RCAN1: variants seen among roughly 807,000 people sequenced by gnomAD.
The protein encoded by RCAN1 is calcipressin-1.
Under a neutral mutation model 22.9 loss-of-function variants are expected in RCAN1, and 11 were observed. That is an observed-to-expected ratio of 0.48 (90% CI 0.30 to 0.79). The LOEUF (loss-of-function observed/expected upper bound fraction) is 0.79. RCAN1 is among the 30% of genes least tolerant of loss of function. The pLI is 0.06. For synonymous variants in RCAN1, 136 were observed against 142.3 expected (o/e 0.96, Z 0.32); for missense variants, 291 against 337.8 (o/e 0.86, Z 1.09).
At chr21:34,584,222 C>T (rs550095369) in intron 1 of RCAN1, among the ~76,000 whole-genome samples, 7 of 152,250 alleles carry the variant, frequency 4.6e-5, no homozygotes, top group Middle Eastern at 3.4e-3. Context: ...CCTCCCTGGC[C>T]CTCAAAAGAT....
chr21:34,530,460 G>T (rs1985316653), intron 1 of RCAN1, among the ~76,000 whole-genome samples: 1 of 152,122 alleles, frequency 6.6e-6, no homozygotes, highest in African/African-American at 2.4e-5. Flanking sequence ...TGCCCCCTGT[G>T]AAGCTGTCTG....
At chr21:34,525,092 G>A in intron 1 of RCAN1, 1 of 1,550,634 alleles carries the variant, frequency 6.4e-7, no homozygotes, top group Non-Finnish European at 8.7e-7. Context: ...GAGGACCTTG[G>A]AGAACCTATG....
At chr21:34,585,597 G>A (rs1287585529) in intron 1 of RCAN1, among the ~76,000 whole-genome samples, 1 of 151,960 alleles carries the variant, frequency 6.6e-6, no homozygotes, top group South Asian at 2.1e-4. Flanking sequence ...CAAAAAATTA[G>A]CCGGGCATGG....
chr21:34,539,778 T>C (rs988611278), intron 1 of RCAN1, among the ~76,000 whole-genome samples: 3 of 152,226 alleles, frequency 2.0e-5, no homozygotes, highest in Non-Finnish European at 2.9e-5. Context: ...CCCATTAACA[T>C]TTTGGAGTGC....
chr21:34,608,407 G>T (rs1568935006), intron 1 of RCAN1, among the ~76,000 whole-genome samples: 1 of 152,170 alleles, frequency 6.6e-6, no homozygotes, highest in Non-Finnish European at 1.5e-5. Flanking sequence ...AAAGTGATGG[G>T]ATATCACTGA....
At chr21:34,612,374 G>T (rs969505384) in intron 1 of RCAN1, among the ~76,000 whole-genome samples, 2 of 152,192 alleles carry the variant, frequency 1.3e-5, no homozygotes, top group African/African-American at 4.8e-5. Context: ...TGGAGCTTCT[G>T]CACCTGCTAG....
At chr21:34,586,767 A>C (rs1360746829) in intron 1 of RCAN1, among the ~76,000 whole-genome samples, 1 of 152,198 alleles carries the variant, frequency 6.6e-6, no homozygotes, top group Non-Finnish European at 1.5e-5. Context: ...AGCCTGGCCA[A>C]CATGGCGAAA....
At chr21:34,530,836 G>A (rs1039852152) in intron 1 of RCAN1, among the ~76,000 whole-genome samples, 1 of 151,918 alleles carries the variant, frequency 6.6e-6, no homozygotes, top group Non-Finnish European at 1.5e-5. Context: ...TGTTGGTCAG[G>A]CTGGTCTCAA....
At chr21:34,546,060 C>A (rs1035798504) in intron 1 of RCAN1, among the ~76,000 whole-genome samples, 2 of 152,174 alleles carry the variant, frequency 1.3e-5, no homozygotes, top group Admixed American at 1.3e-4. Flanking sequence ...TGAAGGACAT[C>A]AGTCAATCTT....
intron 1 of RCAN1, among the ~76,000 whole-genome samples, chr21:34,569,577 C>A (rs1437979008): frequency 6.6e-6 from 1 of 152,052 alleles, no homozygotes; most frequent in South Asian, 2.1e-4. Flanking sequence ...GGAGTCACTG[C>A]CAGAGGCTAA....
chr21:34,603,620 GAC>G (rs1988431843), intron 1 of RCAN1, among the ~76,000 whole-genome samples: 1 of 152,190 alleles, frequency 6.6e-6, no homozygotes, highest in South Asian at 2.1e-4. Context: ...CTGGTCCCAG[GAC>G]TTCGAGAACC....
At chr21:34,534,240 C>A (rs1356256520) in intron 1 of RCAN1, among the ~76,000 whole-genome samples, 1 of 151,912 alleles carries the variant, frequency 6.6e-6, no homozygotes, top group Non-Finnish European at 1.5e-5. Flanking sequence ...CCTCCAGGGA[C>A]CCCCTCTGCA....
In RCAN1 at chr21:34,614,650, T is replaced by C; in HGVS notation, c.252+110A>G. 8.8e-7 allele frequency: 1 copy of C among 1,142,304 alleles called. No homozygotes were observed. The highest frequency in any genetic ancestry group is 1.1e-6 in the Non-Finnish European group (1 of 926,298). 70.8% of individuals were successfully genotyped at this position (1,142,304 alleles called of 1,614,324 possible). ...GGCCGAGCAGCCCGGGGGACGTCGC[T>C]GCCTCCCCGCCCCGCGCGCGGCCGG... On this transcript the variant is annotated intron_variant, in intron 1 of 3. Coordinates refer to ENST00000313806, the MANE Select transcript of RCAN1 (RefSeq NM_004414.7). This position sits in a 1 kb window ranked among gnomAD's most constrained non-coding sequence, Gnocchi z 6.0.
At chr21:34,604,267 A>C (rs1988455439) in intron 1 of RCAN1, among the ~76,000 whole-genome samples, 1 of 152,086 alleles carries the variant, frequency 6.6e-6, no homozygotes, top group Non-Finnish European at 1.5e-5. Flanking sequence ...AGTAGCTAGG[A>C]TTACAGGCGC....
At chr21:34,541,337 C>T (rs751604705) in intron 1 of RCAN1, among the ~76,000 whole-genome samples, 1 of 152,208 alleles carries the variant, frequency 6.6e-6, no homozygotes, top group Admixed American at 6.5e-5. Context: ...AGATATACCT[C>T]TGCATTTCCT....
chr21:34,603,220 C>G (rs1175742123), intron 1 of RCAN1, among the ~76,000 whole-genome samples: 2 of 152,146 alleles, frequency 1.3e-5, no homozygotes, highest in Admixed American at 1.3e-4. Context: ...GAAGTTACTG[C>G]CCCCCGGCGG....
At chr21:34,520,315 T>G (rs1165112446) in intron 3 of RCAN1, among the ~76,000 whole-genome samples, 1 of 152,190 alleles carries the variant, frequency 6.6e-6, no homozygotes, top group Admixed American at 6.5e-5. Context: ...AGACCCTGTT[T>G]TCTCCCATTC....
At position 34,587,466 on chromosome 21, in the gene RCAN1, G is replaced by A. The variant is rs148392605; in HGVS notation, c.252+27294C>T. ...TAGCATAACCTTGATCCTGAAACCT[G>A]AGAAAAATATTATAAAAAAGAAAAG... On this transcript the variant is annotated intron_variant, in intron 1 of 3. Transcript: ENST00000313806. Among the ~76,000 whole-genome samples the A allele has an allele frequency of 3.4e-3, 524 of 151,900 alleles. 3 individuals are homozygous for A. The highest frequency in any genetic ancestry group is 0.012 in the African/African-American group (500 of 41,428).
At chr21:34,519,814 A>G (rs1440233492) in intron 3 of RCAN1, among the ~76,000 whole-genome samples, 1 of 151,984 alleles carries the variant, frequency 6.6e-6, no homozygotes, top group African/African-American at 2.4e-5. Context: ...CACACTGGTT[A>G]CTCCTCTAAA....
Sources: allele counts gnomAD v4.1 joint callset (sites outside exome capture counted in the v4.1 genomes callset), GRCh38; gene constraint gnomAD v4.1.1; non-coding constraint Gnocchi (gnomAD v3.1); transcripts MANE v1.5; gene names NCBI Gene and HGNC (gene_info 2026-07-23, HGNC 2026-07-21).